The following KLHL6 variants were observed in gnomAD, a reference collection of about 807,000 sequenced individuals.
KLHL6 encodes kelch-like protein 6.
A neutral mutation model predicts 58.6 loss-of-function variants in KLHL6; 41 were observed. The observed-to-expected ratio is 0.70, with a 90% CI of 0.55 to 0.91. The LOEUF (loss-of-function observed/expected upper bound fraction) is 0.91, where lower values mean the gene tolerates loss of function less well. Ranked by LOEUF, KLHL6 falls within the 40% of genes least tolerant of loss-of-function variation. The pLI, the probability that KLHL6 is intolerant of heterozygous loss-of-function variation, is 0.00. For synonymous variants in KLHL6, 338 were observed against 322.7 expected, an observed-to-expected ratio of 1.05 and a Z score of -0.51; for missense variants, 714 against 805.6, an observed-to-expected ratio of 0.89 and a Z score of 1.38.
chr3:183,550,881 G>C (rs906852549), intron 1 of KLHL6, among the ~76,000 whole-genome samples: 12 of 152,172 alleles, frequency 7.9e-5, no homozygotes, highest in Middle Eastern at 3.2e-3. Context: ...AGCACTTTGG[G>C]AGGCCAAGGT....
intron 1 of KLHL6, among the ~76,000 whole-genome samples, chr3:183,536,576 C>G (rs577283088): frequency 6.6e-6 from 1 of 152,348 alleles, no homozygotes; most frequent in East Asian, 1.9e-4. Flanking sequence ...CCTCAGCTTC[C>G]TCATCTGTAA....
intron 1 of KLHL6, among the ~76,000 whole-genome samples, chr3:183,550,753 T>G (rs971494234): frequency 6.6e-6 from 1 of 152,108 alleles, no homozygotes; most frequent in Non-Finnish European, 1.5e-5. Flanking sequence ...ATCAAGCTGC[T>G]GCACTCCAGC....
chr3:183,535,232 C>T (rs1308290971), intron 1 of KLHL6, among the ~76,000 whole-genome samples: 2 of 152,164 alleles, frequency 1.3e-5, no homozygotes, highest in Non-Finnish European at 1.5e-5. Flanking sequence ...CGTGAGCCAA[C>T]GTGCCCAGCC....
intron 4 of KLHL6, among the ~76,000 whole-genome samples, chr3:183,498,348 A>T (rs950196276): frequency 1.3e-5 from 2 of 152,246 alleles, no homozygotes; most frequent in African/African-American, 4.8e-5. Context: ...TGGAGGAAAC[A>T]CGCTCTGGGG....
chr3:183,492,122 G>A lies in KLHL6; in HGVS notation c.1671C>T (p.Asn557=), dbSNP rs771158305. The change falls in exon 7 of 7, where the codon AAC becomes AAT. Residue 557 remains asparagine (N), a synonymous_variant. Transcript: ENST00000341319. The surrounding 1 kb of genome is among the most constrained non-coding windows in gnomAD (Gnocchi z 5.9). ...GCCCGCCGGTGATGTAGAGCCGGTTGTTGCAGGGCGCGATACCGCAGCTGG... is the reference window on the plus strand; with the variant it reads ...GCCCGCCGGTGATGTAGAGCCGGTTATTGCAGGGCGCGATACCGCAGCTGG... ...ERASCGIAPC[N]NRLYITGGRD... is the part of the protein sequence containing the mutation. 6.2e-7 allele frequency: 1 copy of A among 1,613,738 alleles called. No homozygotes were observed. The highest frequency in any genetic ancestry group is 1.7e-5 in the Admixed American group (1 of 60,014).
intron 1 of KLHL6, among the ~76,000 whole-genome samples, chr3:183,531,020 T>TG (rs1394259415): frequency 6.6e-6 from 1 of 151,516 alleles, no homozygotes. Context: ...TTAGTAGAGA[T>TG]GGGGGGTTTC....
chr3:183,492,260 G>T lies in KLHL6; in HGVS notation c.1565-32C>A, dbSNP rs771248480. ...AGAGGGAGGAAACACGGTGGGCATC[G>T]CTCCATTTTTCTGGTTTCTTCCCTC... On this transcript the variant is annotated intron_variant, in intron 6 of 6. Transcript: ENST00000341319. This position sits in a 1 kb window ranked among gnomAD's most constrained non-coding sequence, Gnocchi z 5.9. 1.3e-6 allele frequency: 2 copies of T among 1,535,854 alleles called. No homozygotes were observed. Among genetic ancestry groups the T allele is most frequent in the Non-Finnish European group, 1.8e-6 (2 of 1,137,306 alleles).
Position 183,491,800 on chromosome 3 carries a change from G to T in KLHL6, c.*127C>A. On this transcript the variant is annotated 3_prime_UTR_variant, in exon 7 of 7. Coordinates refer to ENST00000341319, the MANE Select transcript of KLHL6 (RefSeq NM_130446.4). ...GACTTCCAAGGTTCCCCCAAAGTGA[G>T]TCAAGGGGATCCCCTGATGTATGGC... 1.2e-6 allele frequency: 1 copy of T among 815,480 alleles called. No homozygotes were observed. The allele number at this position is 815,480 out of a possible 1,614,324, so 50.5% of individuals were successfully genotyped here.
In KLHL6 at chr3:183,508,431, C is replaced by A; in HGVS notation, c.537G>T (p.Arg179Ser). The change falls in exon 3 of 7, where the codon AGG (arginine) becomes AGT (serine). Residue 179 changes from arginine (R) to serine (S), a missense_variant. Physicochemically the swap from Arg to Ser is moderately radical, Grantham distance 110. Coordinates refer to ENST00000341319, the MANE Select transcript of KLHL6 (RefSeq NM_130446.4). ...TGTCCAGCGAGTGTGTGTCAGCCAG[C>A]CTCAGTATTCCAACGCAGTTTTCTG... ...LNPENCVGIL[R>S]LADTHSLDSL... The A allele has an allele frequency of 6.2e-7, 1 of 1,614,160 alleles. No homozygotes were observed. Among genetic ancestry groups the A allele is most frequent in the African/African-American group, 1.3e-5 (1 of 75,022 alleles).
At chr3:183,520,907 A>G (rs1413758740) in intron 2 of KLHL6, 2 of 151,816 alleles carry the variant, frequency 1.3e-5, no homozygotes, top group East Asian at 3.9e-4. Context: ...AATCCTCCTC[A>G]GCACAGAGTG....
At chr3:183,529,160 G>A (rs940921969) in intron 1 of KLHL6, among the ~76,000 whole-genome samples, 1 of 152,198 alleles carries the variant, frequency 6.6e-6, no homozygotes, top group East Asian at 1.9e-4. Context: ...GGTAGAGGGT[G>A]GGAAGAGGGA....
chr3:183,504,939 T>C (rs1286545620), intron 3 of KLHL6, among the ~76,000 whole-genome samples: 2 of 152,224 alleles, frequency 1.3e-5, no homozygotes, highest in African/African-American at 2.4e-5. Context: ...CTCTCACTTA[T>C]AAGTGAAAAC....
At position 183,555,609 on chromosome 3, in the gene KLHL6, C is replaced by A; in HGVS notation, c.45G>T (p.Val15=). The A allele has an allele frequency of 1.2e-6, 2 of 1,612,578 alleles. No homozygotes were observed. The highest frequency in any genetic ancestry group is 1.7e-5 in the Admixed American group (1 of 59,606). The change falls in exon 1 of 7, where the codon GTG becomes GTT. Residue 15 remains valine (V), a synonymous_variant. Transcript: ENST00000341319. ...GGGGCCCTTCCAAACTCTTCTCGAC[C>A]ACATCACCCATGGTCCAGGCGCCCC... ...GQRGAWTMGD[V]VEKSLEGPLA... is the part of the protein sequence containing the mutation.
intron 1 of KLHL6, among the ~76,000 whole-genome samples, chr3:183,539,671 T>G (rs533342922): frequency 6.7e-6 from 1 of 149,908 alleles, no homozygotes; most frequent in Non-Finnish European, 1.5e-5. Context: ...GTCGCACTAC[T>G]GCACTCCAGC....
intron 1 of KLHL6, among the ~76,000 whole-genome samples, chr3:183,549,565 G>T (rs931406462): frequency 2.0e-5 from 3 of 152,322 alleles, no homozygotes; most frequent in Admixed American, 2.0e-4. Flanking sequence ...CTGGAGTGCA[G>T]TGGCATGATC....
chr3:183,542,516 C>A (rs1181841010), intron 1 of KLHL6, among the ~76,000 whole-genome samples: 1 of 152,164 alleles, frequency 6.6e-6, no homozygotes. Flanking sequence ...CTGGCCAATG[C>A]CTACTCATCC....
chr3:183,496,111 G>C (rs1172507077), intron 4 of KLHL6, among the ~76,000 whole-genome samples: 3 of 151,970 alleles, frequency 2.0e-5, no homozygotes, highest in Non-Finnish European at 4.4e-5. Context: ...GTATAGGACA[G>C]AAAACAAGTA....
chr3:183,536,021 C>G (rs558088566), intron 1 of KLHL6, among the ~76,000 whole-genome samples: 1 of 152,220 alleles, frequency 6.6e-6, no homozygotes, highest in African/African-American at 2.4e-5. Flanking sequence ...TGATCTGCCC[C>G]CCTCGGGCTC....
At chr3:183,536,042 G>A (rs1444623436) in intron 1 of KLHL6, among the ~76,000 whole-genome samples, 1 of 152,200 alleles carries the variant, frequency 6.6e-6, no homozygotes, top group Non-Finnish European at 1.5e-5. Flanking sequence ...CCAAAGTGCT[G>A]GGATTACAGG....
Sources: gnomAD v4.1 joint callset for allele counts (sites outside exome capture counted in the v4.1 genomes callset) on GRCh38, gnomAD v4.1.1 for gene constraint, Gnocchi (gnomAD v3.1) non-coding constraint, MANE v1.5 for transcripts, NCBI Gene and HGNC (gene_info 2026-07-23, HGNC 2026-07-21) for gene names.